Variants in ARHGEF12 observed in about 807,000 individuals in gnomAD.
The protein encoded by ARHGEF12 is KMT2A/ARHGEF12 fusion protein.
In ARHGEF12, 66 loss-of-function variants were observed where a neutral mutation model predicts 211.2. That is an observed-to-expected ratio of 0.31 (90% CI 0.26 to 0.38). The LOEUF (loss-of-function observed/expected upper bound fraction) is 0.38, where lower values mean the gene tolerates loss of function less well. Among genes scored for constraint, ARHGEF12 ranks in the 10% least tolerant of loss-of-function variants. The probability of loss-of-function intolerance (pLI) is 1.00; values close to 1 mark genes in which losing one functional copy is unlikely to be tolerated. For synonymous variants in ARHGEF12, 592 were observed against 638.4 expected (o/e 0.93, Z 1.09); for missense variants, 1,429 against 1,869.5 (o/e 0.76, Z 4.34).
chr11:120,383,154 A>G (rs1943925585), intron 1 of ARHGEF12, among the ~76,000 whole-genome samples: 1 of 151,950 alleles, frequency 6.6e-6, no homozygotes, highest in Admixed American at 6.5e-5. Context: ...AAAAAGAGAA[A>G]CAGTGTCTTT....
At chr11:120,345,549 A>G (rs1263242415) in intron 1 of ARHGEF12, among the ~76,000 whole-genome samples, 1 of 152,048 alleles carries the variant, frequency 6.6e-6, no homozygotes, top group Non-Finnish European at 1.5e-5. Context: ...TAAAAATAGA[A>G]AAAATTAGCC....
chr11:120,431,716 T>C (rs1945541458), intron 10 of ARHGEF12, 55 bp from the exon 11 acceptor site: 2 of 1,488,934 alleles, frequency 1.3e-6, no homozygotes, highest in Middle Eastern at 1.9e-4. Flanking sequence ...CAGCAAGTAA[T>C]GAAAGTTTTC....
intron 32 of ARHGEF12, 48 bp from the exon 33 acceptor site, chr11:120,475,292 C>G (rs369576397): frequency 3.9e-6 from 6 of 1,523,870 alleles, no homozygotes; most frequent in African/African-American, 1.4e-5. Context: ...TAATCAAACG[C>G]GTCTCCATTT....
At chr11:120,384,003 A>T (rs1591526276) in intron 1 of ARHGEF12, among the ~76,000 whole-genome samples, 1 of 152,156 alleles carries the variant, frequency 6.6e-6, no homozygotes, top group African/African-American at 2.4e-5. Flanking sequence ...GCTTTGACAT[A>T]TGGGTAGCTT....
At chr11:120,407,938 A>G (rs1944761593) in intron 3 of ARHGEF12, 115 bp downstream of exon 3, 3 of 808,634 alleles carry the variant, frequency 3.7e-6, no homozygotes, top group South Asian at 2.0e-5. Context: ...TAGGACTCTC[A>G]CATTCCTCCA....
At chr11:120,367,506 C>T (rs1247004771) in intron 1 of ARHGEF12, among the ~76,000 whole-genome samples, 2 of 151,698 alleles carry the variant, frequency 1.3e-5, no homozygotes, top group Non-Finnish European at 2.9e-5. Flanking sequence ...GCTGGGATTA[C>T]AGGCGCATGC....
At chr11:120,389,655 T>C (rs1012583565) in intron 1 of ARHGEF12, among the ~76,000 whole-genome samples, 1 of 152,204 alleles carries the variant, frequency 6.6e-6, no homozygotes, top group African/African-American at 2.4e-5. Flanking sequence ...AGTTAAACTA[T>C]TTTTTACTAT....
At chr11:120,448,949 G>A (rs374502907) in intron 20 of ARHGEF12, 160 bp from the exon 21 acceptor site, 7 of 597,612 alleles carry the variant, frequency 1.2e-5, no homozygotes, top group African/African-American at 7.4e-5. Flanking sequence ...ACGGTACTGT[G>A]TGCGAACTTT....
chr11:120,341,098 C>T (rs1331661045), intron 1 of ARHGEF12, among the ~76,000 whole-genome samples: 4 of 152,062 alleles, frequency 2.6e-5, no homozygotes, highest in Non-Finnish European at 2.9e-5. Context: ...CTTGCTCTGT[C>T]ACCCACGGTG....
chr11:120,473,154 A>G, intron 31 of ARHGEF12, 27 bp downstream of exon 31: 1 of 1,602,034 alleles, frequency 6.2e-7, no homozygotes, highest in Middle Eastern at 1.7e-4. Context: ...TCATAATTTA[A>G]AAAATAAAAT....
chr11:120,439,975 C>T (rs1473410182), intron 12 of ARHGEF12, 154 bp from the exon 13 acceptor site: 1 of 596,304 alleles, frequency 1.7e-6, no homozygotes, highest in Non-Finnish European at 2.9e-6. Context: ...AATTTGTGAA[C>T]CCCTACTTTG....
intron 27 of ARHGEF12, chr11:120,464,912 G>A (rs1946650907): frequency 4.9e-6 from 1 of 202,102 alleles, no homozygotes; most frequent in African/African-American, 2.3e-5. Flanking sequence ...GGAGGCAGAG[G>A]TGAGAATCTC....
intron 1 of ARHGEF12, among the ~76,000 whole-genome samples, chr11:120,369,920 G>C (rs1470455885): frequency 6.6e-6 from 1 of 152,114 alleles, no homozygotes; most frequent in Admixed American, 6.5e-5. Context: ...CCCCGATCCT[G>C]TTCTCTTCTG....
intron 1 of ARHGEF12, among the ~76,000 whole-genome samples, chr11:120,350,251 C>T (rs958861852): frequency 7.9e-5 from 12 of 151,988 alleles, no homozygotes; most frequent in African/African-American, 2.9e-4. Flanking sequence ...CGCGGTGGCT[C>T]ACGCTTGTAA....
At chr11:120,375,914 G>T (rs1943711606) in intron 1 of ARHGEF12, among the ~76,000 whole-genome samples, 1 of 152,056 alleles carries the variant, frequency 6.6e-6, no homozygotes, top group Non-Finnish European at 1.5e-5. Context: ...CTTGTAGGAT[G>T]CCCCTATATT....
chr11:120,396,831 G>A (rs1944405158), intron 1 of ARHGEF12, among the ~76,000 whole-genome samples: 1 of 152,160 alleles, frequency 6.6e-6, no homozygotes, highest in African/African-American at 2.4e-5. Flanking sequence ...CACAGGTATG[G>A]AAGTTAAGAC....
At chr11:120,371,838 A>T (rs1329177656) in intron 1 of ARHGEF12, among the ~76,000 whole-genome samples, 1 of 152,244 alleles carries the variant, frequency 6.6e-6, no homozygotes, top group African/African-American at 2.4e-5. Context: ...AATTAAAAAA[A>T]TACTGTCCAC....
chr11:120,392,080 T>C (rs2135501736), intron 1 of ARHGEF12, among the ~76,000 whole-genome samples: 1 of 152,320 alleles, frequency 6.6e-6, no homozygotes, highest in Non-Finnish European at 1.5e-5. Context: ...AGCTGGCCCC[T>C]GTCTACTTCT....
intron 1 of ARHGEF12, among the ~76,000 whole-genome samples, chr11:120,343,095 T>C (rs1942586168): frequency 6.6e-6 from 1 of 152,214 alleles, no homozygotes; most frequent in South Asian, 2.1e-4. Context: ...ATTGTGAAAA[T>C]TGAAATATTT....
Sources: gnomAD v4.1 joint callset for allele counts (sites outside exome capture counted in the v4.1 genomes callset) on GRCh38, gnomAD v4.1.1 for gene constraint, MANE v1.5 for transcripts, NCBI Gene and HGNC (gene_info 2026-07-23, HGNC 2026-07-21) for gene names.